The following NT5DC3 variants were observed in gnomAD, a reference collection of about 807,000 sequenced individuals.
NT5DC3 encodes 5'-nucleotidase domain-containing protein 3.
In NT5DC3, 42 loss-of-function variants were observed where a neutral mutation model predicts 67.8. The ratio of observed to expected loss-of-function variants is 0.62; its 90% CI spans 0.48 to 0.80. The LOEUF (loss-of-function observed/expected upper bound fraction) is 0.80. Among genes scored for constraint, NT5DC3 ranks in the 30% least tolerant of loss-of-function variants. NT5DC3 has a pLI of 0.00. For synonymous variants in NT5DC3, 237 were observed against 255.6 expected, an observed-to-expected ratio of 0.93 and a Z score of 0.69; for missense variants, 570 against 696.4, an observed-to-expected ratio of 0.82 and a Z score of 2.04.
At position 103,774,575 on chromosome 12, in the gene NT5DC3, T is replaced by G. The variant is rs1347681122; in HGVS notation, c.*3254A>C. 1 of 149,112 alleles carries G rather than the reference T, an allele frequency of 6.7e-6. No individual in the cohort carries two copies. The highest frequency in any genetic ancestry group is 1.5e-5 in the Non-Finnish European group (1 of 67,834). 9.2% of individuals were successfully genotyped at this position (149,112 alleles called of 1,614,324 possible). A position where few individuals can be genotyped will look rare whatever the true frequency, so the allele number is the denominator to read the frequency against. On this transcript the variant is annotated 3_prime_UTR_variant, in exon 14 of 14. Coordinates refer to ENST00000392876, the MANE Select transcript of NT5DC3 (RefSeq NM_001031701.3). ...GGTGGGCACCTGTAATCCCAGCTAC[T>G]CGGGAGGCTGAGGCAGGAGAATCAC... is the stretch of plus-strand genomic sequence containing the variant.
chr12:103,765,489 C>T (rs1884875270), downstream of NT5DC3, among the ~76,000 whole-genome samples: 1 of 152,210 alleles, frequency 6.6e-6, no homozygotes, highest in African/African-American at 2.4e-5. Context: ...CCATTTCTAG[C>T]ATCTATTATG....
intron 4 of NT5DC3, chr12:103,802,374 G>C (rs568311126): frequency 6.6e-6 from 1 of 152,338 alleles, no homozygotes; most frequent in South Asian, 2.1e-4. Flanking sequence ...ACCAGCAGGA[G>C]CAAATGCCAG....
chr12:103,810,116 C>A (rs1481356657), intron 2 of NT5DC3, among the ~76,000 whole-genome samples: 2 of 152,178 alleles, frequency 1.3e-5, no homozygotes, highest in Non-Finnish European at 2.9e-5. Flanking sequence ...TGAGAACTGG[C>A]GGCCTGGGGT....
intron 2 of NT5DC3, among the ~76,000 whole-genome samples, chr12:103,808,650 G>A (rs1190415081): frequency 1.3e-5 from 2 of 152,152 alleles, no homozygotes; most frequent in African/African-American, 4.8e-5. Context: ...TTCCATTCAT[G>A]GGCGTTTCCA....
chr12:103,779,626 T>G (rs1885465238), intron 13 of NT5DC3, among the ~76,000 whole-genome samples: 1 of 152,068 alleles, frequency 6.6e-6, no homozygotes, highest in Non-Finnish European at 1.5e-5. Context: ...TGCCCACTGC[T>G]GAGAGGCCAG....
intron 1 of NT5DC3, among the ~76,000 whole-genome samples, chr12:103,827,019 G>A (rs767458417): frequency 6.6e-6 from 1 of 152,166 alleles, no homozygotes; most frequent in East Asian, 1.9e-4. Flanking sequence ...CAAGGTAGGC[G>A]GATCACCTGA....
chr12:103,766,912 G>A (rs1465234441), downstream of NT5DC3: 2 of 153,604 alleles, frequency 1.3e-5, no homozygotes, highest in African/African-American at 4.8e-5. Context: ...CCACGAGGAT[G>A]GCTAGAATCA....
At chr12:103,750,563 C>T in the NT5DC3 span, 1 of 1,612,700 alleles carries the variant, frequency 6.2e-7, no homozygotes, top group Non-Finnish European at 8.5e-7. Flanking sequence ...CATCTCTTCC[C>T]ACTCTCCCTC....
At chr12:103,746,692 A>G in the NT5DC3 span, 23 of 1,613,758 alleles carry the variant, frequency 1.4e-5, no homozygotes, top group African/African-American at 3.1e-4. Context: ...AGGTGACGGA[A>G]TCACATGCAC....
At chr12:103,825,884 C>T (rs1356051854) in intron 1 of NT5DC3, among the ~76,000 whole-genome samples, 3 of 152,372 alleles carry the variant, frequency 2.0e-5, no homozygotes, top group East Asian at 3.9e-4. Flanking sequence ...ATGCCATCCA[C>T]ATGCTGTGCA....
chr12:103,815,180 C>T, intron 1 of NT5DC3, 59 bp from the exon 2 acceptor site: 1 of 1,127,806 alleles, frequency 8.9e-7, no homozygotes, highest in Non-Finnish European at 1.2e-6. Flanking sequence ...TAGTATGATT[C>T]CTAAAGAAAA....
At chr12:103,794,760 C>G (rs1306572961) in intron 6 of NT5DC3, among the ~76,000 whole-genome samples, 1 of 152,216 alleles carries the variant, frequency 6.6e-6, no homozygotes, top group Non-Finnish European at 1.5e-5. Flanking sequence ...CTCCTTCTCT[C>G]TTTGGTACCA....
At chr12:103,824,906 T>C (rs1887629277) in intron 1 of NT5DC3, among the ~76,000 whole-genome samples, 1 of 152,140 alleles carries the variant, frequency 6.6e-6, no homozygotes, top group South Asian at 2.1e-4. Context: ...ATTTACTAGA[T>C]CCATAGGAAA....
the NT5DC3 span, among the ~76,000 whole-genome samples, chr12:103,753,596 GTTAC>G: frequency 9.8e-3 from 1,493 of 152,320 alleles, 44 homozygotes; most frequent in East Asian, 0.096. Flanking sequence ...CAGAGCAGGT[GTTAC>G]TTACTATTCC....
chr12:103,841,229 C>T lies in NT5DC3; in HGVS notation c.-73G>A. On this transcript the variant is annotated 5_prime_UTR_variant, in exon 1 of 14. Coordinates refer to ENST00000392876, the MANE Select transcript of NT5DC3 (RefSeq NM_001031701.3). ...TGCTGCCCGGCCCAAGATCTACCCG[C>T]GCTCTGCCCTGCAGGAGGGCAGCTC... is the stretch of plus-strand genomic sequence containing the variant. 4.0e-6 allele frequency: 2 copies of T among 495,720 alleles called. No individual in the cohort carries two copies. Among genetic ancestry groups the T allele is most frequent in the Admixed American group, 4.2e-5 (1 of 23,992 alleles). 30.7% of individuals were successfully genotyped at this position (495,720 alleles called of 1,614,324 possible).
chr12:103,801,722 G>A (rs979153619), intron 4 of NT5DC3, among the ~76,000 whole-genome samples: 3 of 152,128 alleles, frequency 2.0e-5, no homozygotes, highest in East Asian at 3.9e-4. Flanking sequence ...CATTAGGGCA[G>A]AGAAAGGCTG....
In NT5DC3 at chr12:103,805,844, T is replaced by A. The variant is rs866057349; in HGVS notation, c.524+478A>T. Among the ~76,000 whole-genome samples, 48 of 33,238 alleles carry A rather than the reference T, an allele frequency of 1.4e-3. 1 individual carries two copies. The South Asian group carries it at 0.038, about 26-fold the overall frequency. The allele number at this position is 33,238 out of a possible 152,430, so 21.8% of individuals were successfully genotyped here. ...CTGGGCATCACAGCGAGACTCCACC[T>A]CAAAAAAAAAAAAAAAAAAAAAAAA... On this transcript the variant is annotated intron_variant, in intron 4 of 13. Transcript: ENST00000392876.
downstream of NT5DC3, among the ~76,000 whole-genome samples, chr12:103,767,080 A>G (rs1885012151): frequency 6.6e-6 from 1 of 152,228 alleles, no homozygotes; most frequent in East Asian, 1.9e-4. Context: ...ACCCCTAGGT[A>G]TATATCCAAG....
In NT5DC3 at chr12:103,787,515, C is replaced by T; in HGVS notation, c.1114G>A (p.Glu372Lys). 6.3e-7 allele frequency: 1 copy of T among 1,588,974 alleles called. No individual in the cohort carries two copies. The highest frequency in any genetic ancestry group is 8.6e-7 in the Non-Finnish European group (1 of 1,161,734). The change falls in exon 11 of 14, where the codon GAA becomes AAA. Residue 372 changes from glutamate to lysine, a missense_variant. Glu to Lys is a moderately conservative substitution (Grantham distance 56, BLOSUM62 1). This residue lies in a region of NT5DC3 where 466 missense variants were observed against 608.0 expected (regional missense o/e 0.77). Coordinates refer to ENST00000392876, the MANE Select transcript of NT5DC3 (RefSeq NM_001031701.3). ...GQIYKQGNLY[E>K]FLKLTGWRGS... ...CTCCATCCAGTAAGCTTCAAAAATT[C>T]ATATAAATTACCCTGTAATCAGAGA... is the stretch of plus-strand genomic sequence containing the variant.
Sources: gnomAD v4.1 joint callset for allele counts (sites outside exome capture counted in the v4.1 genomes callset) on GRCh38, gnomAD v4.1.1 for gene constraint, gnomAD v4.1.1 regional missense constraint, MANE v1.5 for transcripts, NCBI Gene and HGNC (gene_info 2026-07-23, HGNC 2026-07-21) for gene names.